The following ANO1 variants were observed in gnomAD, a reference collection of about 807,000 sequenced individuals.
ANO1 encodes the protein anoctamin 1, also known as anoctamin-1.
Under a neutral mutation model 124.0 loss-of-function variants are expected in ANO1, and 59 were observed. That is an observed-to-expected ratio of 0.48 (90% CI 0.39 to 0.59). The LOEUF is 0.59. ANO1 is among the 20% of genes least tolerant of loss of function. The probability of loss-of-function intolerance (pLI) is 0.00; values close to 1 mark genes in which losing one functional copy is unlikely to be tolerated. For synonymous variants in ANO1, 529 were observed against 532.0 expected, an observed-to-expected ratio of 0.99 and a Z score of 0.08; for missense variants, 1,059 against 1,328.0, an observed-to-expected ratio of 0.80 and a Z score of 3.15.
intron 11 of ANO1, among the ~76,000 whole-genome samples, chr11:70,132,585 G>C (rs71467474): frequency 6.6e-6 from 1 of 152,340 alleles, no homozygotes; most frequent in South Asian, 2.1e-4. Flanking sequence ...GGGTCACTCA[G>C]CTCCTGATTG....
At chr11:70,125,164 G>A (rs2046443012) in intron 9 of ANO1, among the ~76,000 whole-genome samples, 1 of 152,070 alleles carries the variant, frequency 6.6e-6, no homozygotes, top group South Asian at 2.1e-4. Context: ...CCAACATGGT[G>A]AAACCCCGTC....
intron 1 of ANO1, among the ~76,000 whole-genome samples, chr11:70,021,616 T>C (rs1555002639): frequency 6.6e-6 from 1 of 152,216 alleles, no homozygotes; most frequent in East Asian, 1.9e-4. Flanking sequence ...TTATTTTTAA[T>C]GCATCCACTT....
chr11:70,069,370 G>A (rs373369286), intron 1 of ANO1, among the ~76,000 whole-genome samples: 2 of 152,312 alleles, frequency 1.3e-5, no homozygotes, highest in South Asian at 4.1e-4. Flanking sequence ...GGCCAAGCAC[G>A]TCTCAAGGTG....
chr11:70,052,741 G>A (rs1043329274), intron 1 of ANO1, among the ~76,000 whole-genome samples: 7 of 151,612 alleles, frequency 4.6e-5, no homozygotes, highest in Middle Eastern at 3.4e-3. Context: ...TTTTAGTAGA[G>A]ACAGGGTTTC....
intron 1 of ANO1, among the ~76,000 whole-genome samples, chr11:69,993,727 A>G (rs1254136339): frequency 2.6e-5 from 4 of 152,104 alleles, no homozygotes; most frequent in Non-Finnish European, 5.9e-5. Context: ...ACTGCTTTCC[A>G]TATCTACAGA....
At chr11:70,172,926 A>G (rs189898443) in intron 22 of ANO1, among the ~76,000 whole-genome samples, 197 of 151,474 alleles carry the variant, frequency 1.3e-3, no homozygotes, top group Non-Finnish European at 2.4e-3. Context: ...AGTCCTTGGT[A>G]TTTGTGTCAT....
In ANO1 at chr11:70,022,455, C is replaced by T. The variant is rs527246973; in HGVS notation, c.58+36289C>T. 4.6e-5 allele frequency among the ~76,000 whole-genome samples: 7 copies of T among 152,122 alleles called. No homozygotes were observed. In the South Asian group the frequency reaches 6.2e-4, roughly 14 times the overall value. On this transcript the variant is annotated intron_variant, in intron 1 of 27. Transcript: ENST00000531349. ...CTCTACCAAAAATACAAAAATTAGC[C>T]GGACGTGGTGGCAGGTGCCTCTAGT...
At chr11:69,988,006 G>A (rs1856081805) in intron 1 of ANO1, among the ~76,000 whole-genome samples, 1 of 152,166 alleles carries the variant, frequency 6.6e-6, no homozygotes, top group Non-Finnish European at 1.5e-5. Context: ...GGTAGCAGCC[G>A]TGTCAGGAGT....
At chr11:70,100,903 C>A (rs2045241299) in intron 2 of ANO1, among the ~76,000 whole-genome samples, 1 of 152,178 alleles carries the variant, frequency 6.6e-6, no homozygotes, top group Non-Finnish European at 1.5e-5. Context: ...CTGCTCTGAG[C>A]CTTCCGTGGG....
chr11:69,984,485 C>T (rs782315655), upstream of ANO1, among the ~76,000 whole-genome samples: 4 of 137,592 alleles, frequency 2.9e-5, no homozygotes, highest in Non-Finnish European at 6.2e-5. Context: ...TCTTGCCTCT[C>T]GTCTCCTTTT....
At chr11:70,168,828 T>G (rs1410719007) in intron 21 of ANO1, among the ~76,000 whole-genome samples, 1 of 152,126 alleles carries the variant, frequency 6.6e-6, no homozygotes, top group African/African-American at 2.4e-5. Flanking sequence ...CGTCTGCCCC[T>G]CCTGTTAGCC....
At chr11:70,173,456 T>G (rs142763966) in intron 22 of ANO1, among the ~76,000 whole-genome samples, 53 of 152,302 alleles carry the variant, frequency 3.5e-4, no homozygotes, top group African/African-American at 1.2e-3. Flanking sequence ...TTAAAAGCCA[T>G]GAGCTAACCA....
chr11:70,069,962 C>T (rs1857829944), intron 1 of ANO1, among the ~76,000 whole-genome samples: 1 of 152,200 alleles, frequency 6.6e-6, no homozygotes, highest in Non-Finnish European at 1.5e-5. Flanking sequence ...CTTACTAACC[C>T]TATATGACAC....
intron 10 of ANO1, among the ~76,000 whole-genome samples, chr11:70,126,783 G>A (rs1417823013): frequency 6.6e-6 from 1 of 151,092 alleles, no homozygotes; most frequent in Non-Finnish European, 1.5e-5. Context: ...GGCACTTGCG[G>A]GAGGTGAGAC....
chr11:69,995,164 A>G (rs1856244609), intron 1 of ANO1, among the ~76,000 whole-genome samples: 1 of 143,012 alleles, frequency 7.0e-6, no homozygotes, highest in South Asian at 2.2e-4. Context: ...CAATGGCGTG[A>G]TCTTGGCCCA....
At chr11:70,180,756 C>A (rs144647740) in intron 23 of ANO1, among the ~76,000 whole-genome samples, 1 of 152,222 alleles carries the variant, frequency 6.6e-6, no homozygotes, top group Non-Finnish European at 1.5e-5. Context: ...TATTGGCAAT[C>A]TTTCTGTTCT....
At chr11:70,099,380 C>G (rs1166704096) in intron 2 of ANO1, among the ~76,000 whole-genome samples, 3 of 152,166 alleles carry the variant, frequency 2.0e-5, no homozygotes, top group Admixed American at 1.3e-4. Flanking sequence ...AACGGGGGTG[C>G]ATGTTTTCCC....
intron 2 of ANO1, among the ~76,000 whole-genome samples, chr11:70,096,365 G>A (rs188592447): frequency 5.6e-4 from 85 of 152,240 alleles, no homozygotes; most frequent in African/African-American, 1.8e-3. Context: ...CACCCGTATC[G>A]GTCCGTGGCC....
intron 19 of ANO1, 30 bp from the exon 20 acceptor site, chr11:70,165,440 A>G: frequency 6.4e-7 from 1 of 1,571,548 alleles, no homozygotes; most frequent in Non-Finnish European, 8.7e-7. Context: ...GTGTCCCTGT[A>G]GCGTGGCTGA....
Sources: gnomAD v4.1 joint callset for allele counts (sites outside exome capture counted in the v4.1 genomes callset) on GRCh38, gnomAD v4.1.1 for gene constraint, MANE v1.5 for transcripts, NCBI Gene and HGNC (gene_info 2026-07-23, HGNC 2026-07-21) for gene names.